Variants in PITPNM2 observed in about 807,000 individuals in gnomAD.
PITPNM2 encodes membrane-associated phosphatidylinositol transfer protein 2.
A neutral mutation model predicts 132.2 loss-of-function variants in PITPNM2; 35 were observed. The observed-to-expected ratio is 0.26, with a 90% CI of 0.20 to 0.35. The LOEUF (loss-of-function observed/expected upper bound fraction) is 0.35, where lower values mean the gene tolerates loss of function less well. Among genes scored for constraint, PITPNM2 ranks in the 10% least tolerant of loss-of-function variants. The pLI is 1.00. For missense variants in PITPNM2, 1,332 were observed against 1,912.0 expected, an observed-to-expected ratio of 0.70 and a Z score of 5.66; for synonymous variants, 738 against 799.2, an observed-to-expected ratio of 0.92 and a Z score of 1.29.
In PITPNM2 at chr12:122,994,732, G is replaced by A. The variant is rs73411020; in HGVS notation, c.2233+69C>T. On this transcript the variant is annotated intron_variant, in intron 15 of 25. Transcript: ENST00000320201. This position sits in a 1 kb window ranked among gnomAD's most constrained non-coding sequence, Gnocchi z 5.4. ...GACGTGGCCATGATCTCATCACAGGGGTCCACTGAGACCCCCGCCCCCGCA... is the reference window on the plus strand; with the variant it reads ...GACGTGGCCATGATCTCATCACAGGAGTCCACTGAGACCCCCGCCCCCGCA... 1,841 of 1,488,404 alleles carry A rather than the reference G, an allele frequency of 1.2e-3. 33 individuals are homozygous for A. The African/African-American group carries it at 0.022, about 18-fold the overall frequency. The allele number at this position is 1,488,404 out of a possible 1,614,324, so 92.2% of individuals were successfully genotyped here.
intron 2 of PITPNM2, among the ~76,000 whole-genome samples, chr12:123,046,839 A>T (rs1336705833): frequency 1.3e-5 from 2 of 152,218 alleles, no homozygotes; most frequent in Non-Finnish European, 2.9e-5. Context: ...AAGGAGACCC[A>T]GGGCTTTGTG....
chr12:123,116,374 G>C (rs1459790382), intron 1 of PITPNM2, among the ~76,000 whole-genome samples: 1 of 152,158 alleles, frequency 6.6e-6, no homozygotes, highest in African/African-American at 2.4e-5. Context: ...TTCTGGCCAG[G>C]AGTGGTGGTT....
intron 1 of PITPNM2, among the ~76,000 whole-genome samples, chr12:123,126,054 A>G (rs1417578202): frequency 6.6e-6 from 1 of 151,144 alleles, no homozygotes; most frequent in African/African-American, 2.4e-5. Context: ...TATTTTTAGT[A>G]GAGACAGGGT....
rs1283243647 is a variant in PITPNM2, at chr12:123,064,621, C to T, written c.-95-29936G>A. Among the ~76,000 whole-genome samples the T allele has an allele frequency of 6.6e-6, 1 of 152,190 alleles. No homozygotes were observed. The highest frequency in any genetic ancestry group is 2.4e-5 in the African/African-American group (1 of 41,442). ...CAGGCTGACTGGGTCAAAAACAAAA[C>T]GAGCCCAGCAACACCCCTGTGTCAA... On this transcript the variant is annotated intron_variant, in intron 2 of 25. Coordinates refer to ENST00000320201, the MANE Select transcript of PITPNM2 (RefSeq NM_020845.3). This position sits in a 1 kb window ranked among gnomAD's most constrained non-coding sequence, Gnocchi z 4.0.
At chr12:123,122,963 C>T (rs1166416764) in intron 1 of PITPNM2, among the ~76,000 whole-genome samples, 1 of 152,180 alleles carries the variant, frequency 6.6e-6, no homozygotes, top group Non-Finnish European at 1.5e-5. Context: ...TTATGGAGAG[C>T]AATTTAGCAA....
intron 2 of PITPNM2, chr12:123,089,406 A>G (rs1372972357): frequency 6.6e-6 from 1 of 152,190 alleles, no homozygotes; most frequent in Non-Finnish European, 1.5e-5. Flanking sequence ...AGGCTCTAAA[A>G]TGTAACATTT....
intron 16 of PITPNM2, among the ~76,000 whole-genome samples, chr12:122,990,944 C>T (rs1050197125): frequency 6.6e-6 from 1 of 152,120 alleles, no homozygotes; most frequent in African/African-American, 2.4e-5. Flanking sequence ...GGCAGGGAGG[C>T]GTGGCAGCTG....
chr12:123,060,431 C>G (rs565803746), intron 2 of PITPNM2, among the ~76,000 whole-genome samples: 2 of 152,208 alleles, frequency 1.3e-5, no homozygotes, highest in South Asian at 4.1e-4. Flanking sequence ...TCAAGAGCCA[C>G]CTTGGCAGTA....
chr12:123,044,818 C>T (rs2040600969), intron 2 of PITPNM2, among the ~76,000 whole-genome samples: 1 of 152,182 alleles, frequency 6.6e-6, no homozygotes, highest in Non-Finnish European at 1.5e-5. Context: ...GAGTCTCACT[C>T]TTTACCCAGG....
chr12:123,007,595 T>C (rs1385232989), intron 6 of PITPNM2, among the ~76,000 whole-genome samples: 1 of 152,016 alleles, frequency 6.6e-6, no homozygotes, highest in Non-Finnish European at 1.5e-5. Context: ...CCTTTCTAAA[T>C]CCCATCCATT....
rs556028173 is a variant in PITPNM2 at position 123,098,277 on chromosome 12, G to T, written c.-96+12108C>A. On this transcript the variant is annotated intron_variant, in intron 2 of 25. Transcript: ENST00000320201. ...CCTAAAGAGGCCTGGAATGGGTTGG[G>T]GCTCATGGGAGGAGGAAGAAGGTGC... 2.2e-4 allele frequency among the ~76,000 whole-genome samples: 33 copies of T among 152,308 alleles called. 1 individual carries two copies. Among genetic ancestry groups the T allele is most frequent in the Admixed American group, 5.9e-4 (9 of 15,298 alleles).
At position 122,994,667 on chromosome 12, in the gene PITPNM2, T is replaced by C; in HGVS notation, c.2233+134A>G. The C allele has an allele frequency of 9.6e-7, 1 of 1,044,432 alleles. No individual in the cohort carries two copies. Among genetic ancestry groups the C allele is most frequent in the Non-Finnish European group, 1.3e-6 (1 of 748,636 alleles). The allele number at this position is 1,044,432 out of a possible 1,614,324, so 64.7% of individuals were successfully genotyped here. A position where few individuals can be genotyped will look rare whatever the true frequency, so the allele number is the denominator to read the frequency against. On this transcript the variant is annotated intron_variant, in intron 15 of 25. Coordinates refer to ENST00000320201, the MANE Select transcript of PITPNM2 (RefSeq NM_020845.3). This position sits in a 1 kb window ranked among gnomAD's most constrained non-coding sequence, Gnocchi z 5.4. ...AGGAGCAGAGGATAGCAAGGGGCCC[T>C]TGGTGGGGAAGACAGGAAGGAGGGC...
At chr12:123,029,213 T>C (rs769400044) in intron 3 of PITPNM2, among the ~76,000 whole-genome samples, 2 of 152,134 alleles carry the variant, frequency 1.3e-5, no homozygotes, top group African/African-American at 2.4e-5. Context: ...AGATCTGAGC[T>C]CCAACCCTGG....
intron 3 of PITPNM2, among the ~76,000 whole-genome samples, chr12:123,032,649 T>C (rs933854657): frequency 5.3e-5 from 8 of 152,178 alleles, no homozygotes; most frequent in Middle Eastern, 3.4e-3. Context: ...GGGGCTCCTG[T>C]GGTCTGGGTT....
chr12:123,114,476 G>C (rs2042898983), intron 1 of PITPNM2, among the ~76,000 whole-genome samples: 1 of 149,194 alleles, frequency 6.7e-6, no homozygotes. Context: ...AACTAGATCA[G>C]GCCGGAATCA....
chr12:123,139,043 C>CA (rs1214725321), intron 1 of PITPNM2, among the ~76,000 whole-genome samples: 1 of 152,098 alleles, frequency 6.6e-6, no homozygotes, highest in Non-Finnish European at 1.5e-5. Context: ...GAGGCTGAGG[C>CA]AGGAGGATCC....
intron 3 of PITPNM2, 77 bp from the exon 4 acceptor site, chr12:123,014,119 C>T (rs1566247962): frequency 6.7e-7 from 1 of 1,500,238 alleles, no homozygotes; most frequent in East Asian, 2.3e-5. Flanking sequence ...GGAGACTGGG[C>T]CCAGGGGTGT....
intron 1 of PITPNM2, among the ~76,000 whole-genome samples, chr12:123,116,162 G>A (rs1377348562): frequency 6.6e-6 from 1 of 152,190 alleles, no homozygotes; most frequent in Non-Finnish European, 1.5e-5. Flanking sequence ...CACTGTGCCA[G>A]GTTTGTATCT....
chr12:123,007,028 G>A (rs906092478), intron 6 of PITPNM2, among the ~76,000 whole-genome samples: 1 of 152,150 alleles, frequency 6.6e-6, no homozygotes, highest in Admixed American at 6.5e-5. Flanking sequence ...CATCGCCGGC[G>A]ACAGGGAGCC....
Sources: allele counts gnomAD v4.1 joint callset (sites outside exome capture counted in the v4.1 genomes callset), GRCh38; gene constraint gnomAD v4.1.1; non-coding constraint Gnocchi (gnomAD v3.1); transcripts MANE v1.5; gene names NCBI Gene and HGNC (gene_info 2026-07-23, HGNC 2026-07-21).